Variants in REPS1 observed in about 807,000 individuals in gnomAD.
REPS1 encodes RALBP1 associated Eps domain containing 1, also known as ralBP1-associated Eps domain-containing protein 1.
REPS1 carries 39 observed loss-of-function variants against 100.9 expected under a neutral mutation model. That is an observed-to-expected ratio of 0.39 (90% CI 0.30 to 0.50). The LOEUF is 0.50. REPS1 is among the 20% of genes least tolerant of loss of function. The pLI is 0.86. For missense variants in REPS1, 821 were observed against 968.5 expected (o/e 0.85, Z 2.02); for synonymous variants, 324 against 340.3 (o/e 0.95, Z 0.53).
chr6:138,932,965 A>G (rs905802708), intron 8 of REPS1, among the ~76,000 whole-genome samples: 5 of 152,206 alleles, frequency 3.3e-5, no homozygotes, highest in Admixed American at 2.6e-4. Context: ...GAAATCAGCA[A>G]ATGCACTTTT....
intron 8 of REPS1, among the ~76,000 whole-genome samples, chr6:138,940,381 G>A (rs917808206): frequency 2.6e-5 from 4 of 151,994 alleles, no homozygotes; most frequent in Non-Finnish European, 1.5e-5. Context: ...TAAACATTAG[G>A]TTTCCTTTTA....
chr6:138,939,714 CAT>C lies in REPS1; in HGVS notation c.1135+1619_1135+1620del, dbSNP rs747306975. ...TGACACTGAAAGTGTGAAGTTACCA[CAT>C]GTTCTTCTCTTTTGGTTACTATCAT... On this transcript the variant is annotated intron_variant, in intron 8 of 19. Coordinates refer to ENST00000450536, the MANE Select transcript of REPS1 (RefSeq NM_001286611.2). Among the ~76,000 whole-genome samples the C allele has an allele frequency of 2.0e-5, 3 of 152,342 alleles. 1 individual carries two copies.
intron 10 of REPS1, 60 bp downstream of exon 10, chr6:138,926,341 G>C (rs1781123535): frequency 5.7e-6 from 7 of 1,229,246 alleles, no homozygotes; most frequent in Non-Finnish European, 8.3e-6. Flanking sequence ...AAACGATAAT[G>C]AATGGAAATT....
At chr6:138,922,298 T>C (rs924337707) in intron 10 of REPS1, among the ~76,000 whole-genome samples, 1 of 152,166 alleles carries the variant, frequency 6.6e-6, no homozygotes, top group African/African-American at 2.4e-5. Context: ...AATTTGATTG[T>C]CTCAAAATTT....
intron 2 of REPS1, 118 bp downstream of exon 2, chr6:138,947,672 T>C: frequency 1.1e-6 from 1 of 901,062 alleles, no homozygotes; most frequent in East Asian, 2.7e-5. Flanking sequence ...GTCACGACAC[T>C]TCACTCAAGG....
In REPS1 at chr6:138,918,862, T is replaced by C. The variant is rs1230471188; in HGVS notation, c.1529-1235A>G. Among the ~76,000 whole-genome samples the C allele has an allele frequency of 2.0e-5, 3 of 152,206 alleles. No homozygotes were observed. The East Asian group carries it at 5.8e-4, about 29-fold the overall frequency. On this transcript the variant is annotated intron_variant, in intron 12 of 19. Transcript: ENST00000450536. Reference sequence around the variant, plus strand: ...AAGAGTTGTGACAGAAAAAAGAAATTTTAAGATAGAAACTCTAGAGACAAT... The same window carrying C: ...AAGAGTTGTGACAGAAAAAAGAAATCTTAAGATAGAAACTCTAGAGACAAT...
At chr6:138,953,681 CAAAAA>C (rs34741005) in intron 1 of REPS1, among the ~76,000 whole-genome samples, 2 of 126,932 alleles carry the variant, frequency 1.6e-5, no homozygotes. Context: ...TGGCTATTAT[CAAAAA>C]AAAAAAAAAA....
At chr6:138,972,586 C>T (rs756368874) in intron 1 of REPS1, among the ~76,000 whole-genome samples, 3 of 151,780 alleles carry the variant, frequency 2.0e-5, no homozygotes, top group East Asian at 1.9e-4. Flanking sequence ...TTGTCTACCA[C>T]TGCTTACTCA....
chr6:138,984,132 T>C (rs528681456), intron 1 of REPS1, among the ~76,000 whole-genome samples: 52 of 149,650 alleles, frequency 3.5e-4, no homozygotes, highest in African/African-American at 1.3e-3. Flanking sequence ...TAGGCTGGAG[T>C]GCAGTGGCGC....
chr6:138,929,984 C>T lies in REPS1; in HGVS notation c.1250G>A (p.Ser417Asn), dbSNP rs760525409. 140 of 1,613,472 alleles carry T rather than the reference C, an allele frequency of 8.7e-5. No individual in the cohort carries two copies. Among genetic ancestry groups the T allele is most frequent in the Non-Finnish European group, 1.2e-4 (138 of 1,179,556 alleles). Residue 417 changes from serine (S) to asparagine (N), a missense_variant, in exon 9 of 20, where the codon AGC (serine) becomes AAC (asparagine). Transcript: ENST00000450536. ...AAGGAAAGCTTTGCTAACCTCACTGCTCTGATTCAGCTCAGGCCATGTCTG... is the reference window on the plus strand; with the variant it reads ...AAGGAAAGCTTTGCTAACCTCACTGTTCTGATTCAGCTCAGGCCATGTCTG... ...LNQTWPELNQ[S>N]SEQWETFSER...
intron 8 of REPS1, among the ~76,000 whole-genome samples, chr6:138,937,928 G>A (rs1040804937): frequency 2.6e-5 from 4 of 151,980 alleles, no homozygotes; most frequent in Non-Finnish European, 4.4e-5. Context: ...AATTGCAACT[G>A]TGCTTTGCAA....
At chr6:138,927,698 G>A (rs1039597423) in intron 9 of REPS1, 3 of 152,070 alleles carry the variant, frequency 2.0e-5, no homozygotes, top group East Asian at 1.9e-4. Flanking sequence ...ATAATTCAAC[G>A]ACTTTTCCTA....
intron 8 of REPS1, among the ~76,000 whole-genome samples, chr6:138,930,325 TA>T (rs1217878827): frequency 1.3e-5 from 2 of 152,170 alleles, no homozygotes; most frequent in African/African-American, 4.8e-5. Flanking sequence ...AAAATCTAGT[TA>T]GGAATAAAAA....
At chr6:138,964,837 A>G (rs1320763408) in intron 1 of REPS1, among the ~76,000 whole-genome samples, 1 of 152,096 alleles carries the variant, frequency 6.6e-6, no homozygotes, top group Non-Finnish European at 1.5e-5. Flanking sequence ...GACATTCATC[A>G]AGAGAACTCA....
chr6:138,970,637 G>C (rs1039804051), intron 1 of REPS1, among the ~76,000 whole-genome samples: 38 of 152,048 alleles, frequency 2.5e-4, no homozygotes, highest in African/African-American at 7.7e-4. Flanking sequence ...CCCAAAAAAA[G>C]GCCGGGCATG....
chr6:138,979,267 T>A (rs984108888), intron 1 of REPS1, among the ~76,000 whole-genome samples: 1 of 147,334 alleles, frequency 6.8e-6, no homozygotes, highest in Admixed American at 6.8e-5. Flanking sequence ...TCCTGACCAC[T>A]CCTGCTTTCT....
At position 138,930,089 on chromosome 6, in the gene REPS1, T is replaced by C; in HGVS notation, c.1145A>G (p.Asp382Gly). The C allele has an allele frequency of 6.2e-7, 1 of 1,612,948 alleles. No homozygotes were observed. ...IDLEDSADVG[D>G]QPGEVGYSGS... ...TGAATAACCTACCTCACCTGGCTGA[T>C]CCCCAACATCTGCAATTTAAAAATA... Residue 382 changes from aspartate (D) to glycine (G), a missense_variant, in exon 9 of 20, where the codon GAT (aspartate) becomes GGT (glycine). This residue lies in a region of REPS1 where 757 missense variants were observed against 866.4 expected (regional missense o/e 0.87). Transcript: ENST00000450536.
intron 8 of REPS1, among the ~76,000 whole-genome samples, chr6:138,940,388 T>A (rs1782158639): frequency 6.6e-6 from 1 of 152,238 alleles, no homozygotes; most frequent in South Asian, 2.1e-4. Context: ...TAGGTTTCCT[T>A]TTATTCATTC....
chr6:138,970,296 A>G (rs1017196800), intron 1 of REPS1, among the ~76,000 whole-genome samples: 1 of 152,046 alleles, frequency 6.6e-6, no homozygotes, highest in Admixed American at 6.6e-5. Context: ...TCCAAAGAAG[A>G]CAGTAGGAAG....
Sources: allele counts gnomAD v4.1 joint callset (sites outside exome capture counted in the v4.1 genomes callset), GRCh38; gene constraint gnomAD v4.1.1; regional missense constraint gnomAD v4.1.1; transcripts MANE v1.5; gene names NCBI Gene and HGNC (gene_info 2026-07-23, HGNC 2026-07-21).